DDR2: variants seen among roughly 807,000 people sequenced by gnomAD.
The protein encoded by DDR2 is discoidin domain receptor tyrosine kinase 2.
Under a neutral mutation model 94.9 loss-of-function variants are expected in DDR2, and 27 were observed. The observed-to-expected ratio is 0.28, with a 90% CI of 0.21 to 0.39. The LOEUF (loss-of-function observed/expected upper bound fraction) is 0.39, where lower values mean the gene tolerates loss of function less well. Ranked by LOEUF, DDR2 falls within the 10% of genes least tolerant of loss-of-function variation. DDR2 has a pLI of 1.00. For synonymous variants in DDR2, 382 were observed against 377.2 expected (o/e 1.01, Z -0.15); for missense variants, 783 against 1,076.0 (o/e 0.73, Z 3.81).
chr1:162,758,501 CTT>C (rs1018674649), intron 7 of DDR2, among the ~76,000 whole-genome samples: 1 of 152,078 alleles, frequency 6.6e-6, no homozygotes, highest in Non-Finnish European at 1.5e-5. Flanking sequence ...TTTCATAAAA[CTT>C]TCCTGGGATT....
At chr1:162,670,107 T>TTTTG (rs1020451746) in intron 2 of DDR2, among the ~76,000 whole-genome samples, 3 of 152,190 alleles carry the variant, frequency 2.0e-5, no homozygotes, top group Non-Finnish European at 2.9e-5. Flanking sequence ...TAAACATTTG[T>TTTTG]TTTGTTTGTT....
At chr1:162,639,340 G>A (rs1657006506) in intron 1 of DDR2, among the ~76,000 whole-genome samples, 1 of 152,202 alleles carries the variant, frequency 6.6e-6, no homozygotes, top group Admixed American at 6.5e-5. Context: ...CCCATATAAT[G>A]TAGCCAACTG....
rs1647885997 is a variant in DDR2, at chr1:162,781,205, T to C, written c.*959T>C. The C allele has an allele frequency of 6.6e-6, 1 of 152,214 alleles. No homozygotes were observed. The highest frequency in any genetic ancestry group is 2.4e-5 in the African/African-American group (1 of 41,452). 9.4% of individuals were successfully genotyped at this position (152,214 alleles called of 1,614,324 possible). ...TTTTGATGGTAGACTCTTGAGTTCA[T>C]CTTGTCCAAATCTTCTAGCATTTTC... On this transcript the variant is annotated 3_prime_UTR_variant, in exon 18 of 18. Transcript: ENST00000367921.
In DDR2 at chr1:162,719,126, A is replaced by G. The variant is rs1188539511; in HGVS notation, c.63A>G (p.Ala21=). ...TGCTGCTGCCTATCTTGAGTTCTGC[A>G]AAAGCTCAGGTTAATCCAGGTAACA... ...LFLLLPILSS[A]KAQVNPAICR... Residue 21 remains alanine (A), a synonymous_variant, in exon 3 of 18, where the codon GCA becomes GCG. Transcript: ENST00000367921. 1 of 1,613,806 alleles carries G rather than the reference A, an allele frequency of 6.2e-7. No individual in the cohort carries two copies. The highest frequency in any genetic ancestry group is 1.7e-5 in the Admixed American group (1 of 60,010).
chr1:162,656,851 T>TTTTTTTTC (rs1658003883), intron 2 of DDR2, among the ~76,000 whole-genome samples: 4 of 123,736 alleles, frequency 3.2e-5, no homozygotes, highest in African/African-American at 1.2e-4. Context: ...TTTTTTTTTA[T>TTTTTTTTC]TTTTTTTGTT....
intron 17 of DDR2, among the ~76,000 whole-genome samples, chr1:162,779,068 A>G (rs1288615890): frequency 6.6e-6 from 1 of 152,212 alleles, no homozygotes; most frequent in Non-Finnish European, 1.5e-5. Context: ...GTCAAAAAAT[A>G]AAAGTGTAAA....
chr1:162,720,493 A>G (rs1661371659), intron 3 of DDR2, among the ~76,000 whole-genome samples: 1 of 152,156 alleles, frequency 6.6e-6, no homozygotes, highest in African/African-American at 2.4e-5. Flanking sequence ...GCAGTTGTCA[A>G]CTATTCATTT....
intron 1 of DDR2, among the ~76,000 whole-genome samples, chr1:162,651,198 C>A (rs1272880734): frequency 6.6e-6 from 1 of 152,210 alleles, no homozygotes; most frequent in Non-Finnish European, 1.5e-5. Flanking sequence ...CTCTCCAAAG[C>A]CTTTCCCGGC....
chr1:162,734,182 T>C (rs1662190322), intron 3 of DDR2, among the ~76,000 whole-genome samples: 1 of 152,132 alleles, frequency 6.6e-6, no homozygotes, highest in Non-Finnish European at 1.5e-5. Flanking sequence ...TACATGCAGG[T>C]AAAGATAGGT....
At chr1:162,741,952 A>G (rs1662633107) in intron 3 of DDR2, among the ~76,000 whole-genome samples, 1 of 152,216 alleles carries the variant, frequency 6.6e-6, no homozygotes, top group Admixed American at 6.5e-5. Context: ...TGTGATTTTC[A>G]AAAAGTACAT....
chr1:162,722,277 C>A (rs184565459), intron 3 of DDR2, among the ~76,000 whole-genome samples: 2 of 152,248 alleles, frequency 1.3e-5, no homozygotes, highest in East Asian at 3.9e-4. Flanking sequence ...AGTGGCATTT[C>A]CAGTAATGGC....
At chr1:162,681,571 T>C (rs4564119) in intron 2 of DDR2, among the ~76,000 whole-genome samples, 122,980 of 152,116 alleles carry the variant, frequency 0.81, 51,029 homozygotes, top group Middle Eastern at 0.94. Flanking sequence ...TTCTGGAGGC[T>C]GGGAAATCCT....
chr1:162,645,377 T>C (rs1005458902), intron 1 of DDR2, among the ~76,000 whole-genome samples: 2 of 152,214 alleles, frequency 1.3e-5, no homozygotes, highest in African/African-American at 4.8e-5. Context: ...TGCTTATAGT[T>C]CTTATGCAAC....
At chr1:162,685,115 A>G (rs1424380730) in intron 2 of DDR2, among the ~76,000 whole-genome samples, 1 of 152,178 alleles carries the variant, frequency 6.6e-6, no homozygotes, top group Non-Finnish European at 1.5e-5. Flanking sequence ...ATGTTTTTTA[A>G]CTATTGGGTG....
chr1:162,689,864 A>AAAAAAAAAG, intron 2 of DDR2, among the ~76,000 whole-genome samples: 1 of 145,708 alleles, frequency 6.9e-6, no homozygotes, highest in Non-Finnish European at 1.5e-5. Flanking sequence ...AAAAAAAAAA[A>AAAAAAAAAG]AAATAGCCAG....
chr1:162,685,383 A>T (rs1442364603), intron 2 of DDR2, among the ~76,000 whole-genome samples: 2 of 152,196 alleles, frequency 1.3e-5, no homozygotes, highest in Non-Finnish European at 2.9e-5. Context: ...TACTCCTAAC[A>T]TTATGTATTT....
rs544865247 is a variant in DDR2, at chr1:162,705,361, G to A, written c.-27-13676G>A. Among the ~76,000 whole-genome samples the A allele has an allele frequency of 3.3e-5, 5 of 152,324 alleles. No homozygotes were observed. The South Asian group carries it at 1.0e-3, about 32-fold the overall frequency. ...CTGTGTGGGCTTCTCTCACCATGTC[G>A]CTCTGGCCTCAGCCTGGCGGTGTGC... On this transcript the variant is annotated intron_variant, in intron 2 of 17. Coordinates refer to ENST00000367921, the MANE Select transcript of DDR2 (RefSeq NM_006182.4).
intron 2 of DDR2, among the ~76,000 whole-genome samples, chr1:162,714,509 C>T (rs1241819834): frequency 6.6e-6 from 1 of 152,076 alleles, no homozygotes; most frequent in Non-Finnish European, 1.5e-5. Flanking sequence ...TTTAAATACC[C>T]ACCTTCTCAT....
At chr1:162,739,302 A>T (rs1265161804) in intron 3 of DDR2, among the ~76,000 whole-genome samples, 1 of 151,966 alleles carries the variant, frequency 6.6e-6, no homozygotes, top group Admixed American at 6.6e-5. Context: ...GGCAAAGGAC[A>T]TGAACAGACA....
Sources: gnomAD v4.1 joint callset for allele counts (sites outside exome capture counted in the v4.1 genomes callset) on GRCh38, gnomAD v4.1.1 for gene constraint, MANE v1.5 for transcripts, NCBI Gene and HGNC (gene_info 2026-07-23, HGNC 2026-07-21) for gene names.